SGCZ: variants seen among roughly 807,000 people sequenced by gnomAD.
SGCZ encodes zeta-sarcoglycan.
SGCZ carries 40 observed loss-of-function variants against 41.3 expected under a neutral mutation model. The ratio of observed to expected loss-of-function variants is 0.97; its 90% CI spans 0.75 to 1.26. SGCZ has a LOEUF of 1.26. SGCZ is among the 50% of genes most tolerant of loss of function. SGCZ has a pLI of 0.00. For synonymous variants in SGCZ, 206 were observed against 137.5 expected (o/e 1.50, Z -3.49); for missense variants, 552 against 369.8 (o/e 1.49, Z -4.04).
intron 1 of SGCZ, among the ~76,000 whole-genome samples, chr8:14,776,863 C>A (rs1800420182): frequency 6.6e-6 from 1 of 152,114 alleles, no homozygotes; most frequent in South Asian, 2.1e-4. Flanking sequence ...TGTTAAAATA[C>A]TGAAATAAAT....
chr8:14,520,214 T>A (rs1802748193), intron 2 of SGCZ, among the ~76,000 whole-genome samples: 1 of 152,076 alleles, frequency 6.6e-6, no homozygotes, highest in Non-Finnish European at 1.5e-5. Flanking sequence ...AACAAAATAT[T>A]ATTTTTTCTC....
At chr8:14,127,815 A>G (rs1802912464) in intron 5 of SGCZ, among the ~76,000 whole-genome samples, 1 of 152,120 alleles carries the variant, frequency 6.6e-6, no homozygotes, top group Non-Finnish European at 1.5e-5. Flanking sequence ...GGGTTATTAC[A>G]TAGGTAAACT....
intron 1 of SGCZ, among the ~76,000 whole-genome samples, chr8:14,980,682 A>T (rs1801630435): frequency 6.6e-6 from 1 of 152,156 alleles, no homozygotes; most frequent in Admixed American, 6.5e-5. Flanking sequence ...AGATCTCATG[A>T]GACTTATTCA....
chr8:14,335,822 T>G (rs1802486831), intron 2 of SGCZ, among the ~76,000 whole-genome samples: 1 of 152,268 alleles, frequency 6.6e-6, no homozygotes, highest in African/African-American at 2.4e-5. Context: ...TGTGTCAGCT[T>G]GTCATTATAC....
rs962919371 is a variant in SGCZ, at chr8:14,190,824, A to G, written c.425-26122T>C. On this transcript the variant is annotated intron_variant, in intron 4 of 7. Coordinates refer to ENST00000382080, the MANE Select transcript of SGCZ (RefSeq NM_139167.4). ...TCACTGTGTTAGCCAGGATGGTCTC[A>G]ATCTCCTGACCTTGTGATCCACCCG... is the stretch of plus-strand genomic sequence containing the variant. Among the ~76,000 whole-genome samples the G allele has an allele frequency of 5.9e-5, 9 of 151,672 alleles. No homozygotes were observed. In the East Asian group the frequency reaches 1.8e-3, roughly 30 times the overall value.
intron 1 of SGCZ, among the ~76,000 whole-genome samples, chr8:14,819,600 T>C (rs1233938603): frequency 1.3e-5 from 2 of 152,120 alleles, no homozygotes; most frequent in Non-Finnish European, 2.9e-5. Flanking sequence ...AGTGAAGTAA[T>C]GGTGCAGTGT....
chr8:15,137,258 G>C (rs142522998), intron 1 of SGCZ, among the ~76,000 whole-genome samples: 5 of 152,074 alleles, frequency 3.3e-5, no homozygotes, highest in Admixed American at 2.6e-4. Flanking sequence ...CGTATCTGGT[G>C]GAAGAAATTT....
intron 1 of SGCZ, among the ~76,000 whole-genome samples, chr8:15,148,645 C>G (rs13250784): frequency 6.6e-6 from 1 of 152,002 alleles, no homozygotes; most frequent in Admixed American, 6.6e-5. Context: ...ACTTATACTA[C>G]GGCTAATAGG....
In SGCZ at chr8:14,439,058, C is replaced by T. The variant is rs80003435; in HGVS notation, c.235-114854G>A. 2.9e-3 allele frequency among the ~76,000 whole-genome samples: 435 copies of T among 152,000 alleles called. 2 individuals carry two copies. Among genetic ancestry groups the T allele is most frequent in the African/African-American group, 0.01 (427 of 41,504 alleles). ...GTTTATTACAGATGCCAAGTACTAA[C>T]CCTGCCTAGTGGCAATATTAGCTTC... On this transcript the variant is annotated intron_variant, in intron 2 of 7. Transcript: ENST00000382080.
At chr8:14,130,779 C>A (rs1287143019) in intron 5 of SGCZ, among the ~76,000 whole-genome samples, 2 of 152,082 alleles carry the variant, frequency 1.3e-5, no homozygotes, top group Non-Finnish European at 2.9e-5. Flanking sequence ...GAAAAAGGGA[C>A]CGTACCTGGA....
chr8:14,600,994 T>G (rs896362814), intron 1 of SGCZ, among the ~76,000 whole-genome samples: 4 of 150,950 alleles, frequency 2.6e-5, no homozygotes, highest in Non-Finnish European at 5.9e-5. Context: ...TGCATATGTC[T>G]CTATAATCCC....
intron 1 of SGCZ, among the ~76,000 whole-genome samples, chr8:14,596,550 C>CT (rs537339042): frequency 5.7e-4 from 86 of 152,012 alleles, no homozygotes; most frequent in African/African-American, 1.9e-3. Context: ...TTTATTTTTT[C>CT]TTTTTTTGCT....
rs541928102 is a variant in SGCZ, at chr8:15,011,190, A to G, written c.39+226395T>C. ...TTAAATGTTTAGAAAATTATCCTAC[A>G]TAGTTAAAGTAGGTGAAATTTCATT... On this transcript the variant is annotated intron_variant, in intron 1 of 7. Coordinates refer to ENST00000382080, the MANE Select transcript of SGCZ (RefSeq NM_139167.4). 3.3e-5 allele frequency among the ~76,000 whole-genome samples: 5 copies of G among 152,340 alleles called. No individual in the cohort carries two copies. The South Asian group carries it at 1.0e-3, about 32-fold the overall frequency.
intron 1 of SGCZ, among the ~76,000 whole-genome samples, chr8:15,017,805 C>G (rs1252386105): frequency 6.6e-6 from 1 of 152,080 alleles, no homozygotes; most frequent in Admixed American, 6.5e-5. Flanking sequence ...GGTGCCTGGC[C>G]ATCATCACAC....
chr8:14,457,220 G>T (rs1426897511), intron 2 of SGCZ, among the ~76,000 whole-genome samples: 1 of 152,090 alleles, frequency 6.6e-6, no homozygotes, highest in South Asian at 2.1e-4. Flanking sequence ...GAAAAACCAG[G>T]CCATACAGAG....
chr8:14,108,520 C>T (rs1208077305), intron 5 of SGCZ, among the ~76,000 whole-genome samples: 1 of 151,970 alleles, frequency 6.6e-6, no homozygotes, highest in African/African-American at 2.4e-5. Flanking sequence ...ATGAGGAAGA[C>T]GCAAAAGCAG....
intron 1 of SGCZ, among the ~76,000 whole-genome samples, chr8:15,193,485 G>A (rs1022630754): frequency 6.6e-6 from 1 of 151,998 alleles, no homozygotes; most frequent in Non-Finnish European, 1.5e-5. Flanking sequence ...AGTAGGTACT[G>A]TCAAATGGTA....
intron 2 of SGCZ, among the ~76,000 whole-genome samples, chr8:14,394,134 G>GCGCC (rs1554511262): frequency 7.8e-6 from 1 of 128,782 alleles, no homozygotes; most frequent in African/African-American, 3.3e-5. Flanking sequence ...CTGCCCTACC[G>GCGCC]CCCCCCACCT....
intron 4 of SGCZ, among the ~76,000 whole-genome samples, chr8:14,232,501 GTTTC>G (rs1425912808): frequency 6.6e-6 from 1 of 151,988 alleles, no homozygotes; most frequent in African/African-American, 2.4e-5. Flanking sequence ...TAAGCCCTAA[GTTTC>G]AAGAATTACT....
Sources: gnomAD v4.1 joint callset for allele counts (sites outside exome capture counted in the v4.1 genomes callset) on GRCh38, gnomAD v4.1.1 for gene constraint, MANE v1.5 for transcripts, NCBI Gene and HGNC (gene_info 2026-07-23, HGNC 2026-07-21) for gene names.